Variants in STK39 observed in about 807,000 individuals in gnomAD.
STK39 encodes the protein serine/threonine kinase 39.
In STK39, 20 loss-of-function variants were observed where a neutral mutation model predicts 77.8. The ratio of observed to expected loss-of-function variants is 0.26; its 90% CI spans 0.18 to 0.37. STK39 has a LOEUF of 0.37. STK39 is among the 10% of genes least tolerant of loss of function. The pLI, the probability that STK39 is intolerant of heterozygous loss-of-function variation, is 1.00. For synonymous variants in STK39, 246 were observed against 234.1 expected, an observed-to-expected ratio of 1.05 and a Z score of -0.47; for missense variants, 479 against 656.5, an observed-to-expected ratio of 0.73 and a Z score of 2.95.
chr2:168,143,149 C>G (rs1688039588), intron 5 of STK39, among the ~76,000 whole-genome samples: 1 of 152,130 alleles, frequency 6.6e-6, no homozygotes, highest in African/African-American at 2.4e-5. Flanking sequence ...CTCCCTGCCT[C>G]CAGGAATAAC....
chr2:168,016,387 CAAAAAAAA>C (rs869084308), intron 15 of STK39, among the ~76,000 whole-genome samples: 2,662 of 65,724 alleles, frequency 0.041, 114 homozygotes, highest in African/African-American at 0.13. Flanking sequence ...GGCCTTTGTT[CAAAAAAAA>C]AAAAAAAAAA....
intron 15 of STK39, among the ~76,000 whole-genome samples, chr2:168,013,451 AT>A (rs1684321803): frequency 6.6e-6 from 1 of 152,178 alleles, no homozygotes; most frequent in Non-Finnish European, 1.5e-5. Context: ...AAATTGATAA[AT>A]TGCAAGTTGC....
chr2:168,131,139 T>C (rs1687686931), intron 8 of STK39, among the ~76,000 whole-genome samples: 1 of 152,218 alleles, frequency 6.6e-6, no homozygotes, highest in South Asian at 2.1e-4. Context: ...GCTAAAGTAT[T>C]AAGTCTTTTA....
intron 1 of STK39, among the ~76,000 whole-genome samples, chr2:168,226,713 A>G (rs1690316897): frequency 6.6e-6 from 1 of 151,320 alleles, no homozygotes; most frequent in Non-Finnish European, 1.5e-5. Flanking sequence ...CCTTCTCACT[A>G]TAACTCCCTC....
At chr2:168,078,937 C>A (rs1686154275) in intron 10 of STK39, among the ~76,000 whole-genome samples, 1 of 152,114 alleles carries the variant, frequency 6.6e-6, no homozygotes, top group African/African-American at 2.4e-5. Context: ...TCCAGGGAGC[C>A]CACCAGCCTC....
At chr2:168,183,224 G>A (rs568559737) in intron 1 of STK39, among the ~76,000 whole-genome samples, 85 of 151,790 alleles carry the variant, frequency 5.6e-4, no homozygotes, top group African/African-American at 1.8e-3. Context: ...TTTGGCCCCC[G>A]ACTTGGCAAC....
chr2:168,243,764 TTA>T (rs1690831458), intron 1 of STK39, among the ~76,000 whole-genome samples: 1 of 152,204 alleles, frequency 6.6e-6, no homozygotes, highest in Non-Finnish European at 1.5e-5. Context: ...AAGTAAACAC[TTA>T]TATGATTCAC....
chr2:168,005,758 C>T (rs1377823673), intron 16 of STK39, among the ~76,000 whole-genome samples: 1 of 152,156 alleles, frequency 6.6e-6, no homozygotes, highest in South Asian at 2.1e-4. Context: ...AGCTGTCCTC[C>T]AAACTGTGCA....
chr2:168,153,554 A>C (rs1688345268), intron 5 of STK39, among the ~76,000 whole-genome samples: 1 of 151,970 alleles, frequency 6.6e-6, no homozygotes, highest in Non-Finnish European at 1.5e-5. Context: ...CTCTAGGAGC[A>C]CACCTTGAGA....
chr2:167,979,053 A>C (rs967476750), intron 16 of STK39, among the ~76,000 whole-genome samples: 3 of 152,094 alleles, frequency 2.0e-5, no homozygotes, highest in Non-Finnish European at 1.5e-5. Context: ...ATTGTATGCT[A>C]TACCGGTTTG....
In STK39 at chr2:168,229,581, C is replaced by T. The variant is rs564632651; in HGVS notation, c.208+17647G>A. 1.3e-4 allele frequency among the ~76,000 whole-genome samples: 20 copies of T among 152,114 alleles called. No individual in the cohort carries two copies. The East Asian group carries it at 3.3e-3, about 25-fold the overall frequency. On this transcript the variant is annotated intron_variant, in intron 1 of 17. Transcript: ENST00000355999. ...CAATTCTTTTTGAAAAACTGTGAAA[C>T]GGGGAATAAAATATTGCTGGATTGA...
intron 2 of STK39, among the ~76,000 whole-genome samples, chr2:168,171,128 C>T (rs1688812770): frequency 6.6e-6 from 1 of 152,314 alleles, no homozygotes; most frequent in Non-Finnish European, 1.5e-5. Flanking sequence ...CAGAGCTGTT[C>T]ATGCAGCTCC....
chr2:168,045,732 G>T (rs1685222901), intron 14 of STK39, among the ~76,000 whole-genome samples: 2 of 152,160 alleles, frequency 1.3e-5, no homozygotes, highest in South Asian at 4.1e-4. Context: ...TCTAAAGATT[G>T]ATGCAAATAT....
chr2:168,125,735 A>C (rs1332457060), intron 10 of STK39, among the ~76,000 whole-genome samples: 2 of 152,232 alleles, frequency 1.3e-5, no homozygotes, highest in Non-Finnish European at 2.9e-5. Context: ...AATGTTTTGC[A>C]TACTAAATTA....
In STK39 at chr2:167,969,683, C is replaced by T. The variant is rs979059827; in HGVS notation, c.1499-4957G>A. ...GAAACGAATGACTTCTCACCACCTC[C>T]GCTGCTGCTCCCCAAGTGAGGCTAC... On this transcript the variant is annotated intron_variant, in intron 16 of 17. Transcript: ENST00000355999. Among the ~76,000 whole-genome samples the T allele has an allele frequency of 1.4e-4, 22 of 152,200 alleles. 1 individual carries two copies. Among genetic ancestry groups the T allele is most frequent in the Non-Finnish European group, 4.4e-5 (3 of 68,032 alleles).
chr2:167,976,575 G>A (rs1202323324), intron 16 of STK39, among the ~76,000 whole-genome samples: 1 of 152,108 alleles, frequency 6.6e-6, no homozygotes. Flanking sequence ...ACTACTGTAG[G>A]TTGGCCTTTT....
At chr2:167,991,843 G>T (rs1208619054) in intron 16 of STK39, among the ~76,000 whole-genome samples, 1 of 152,130 alleles carries the variant, frequency 6.6e-6, no homozygotes, top group Non-Finnish European at 1.5e-5. Context: ...ACAATTAGGT[G>T]TACACTGAAT....
At chr2:168,136,922 T>C (rs140718775) in intron 8 of STK39, among the ~76,000 whole-genome samples, 2,905 of 152,288 alleles carry the variant, frequency 0.019, 50 homozygotes, top group Middle Eastern at 0.044. Context: ...ATCATCCCTT[T>C]TACAATAAAT....
At position 168,247,550 on chromosome 2, in the gene STK39, G is replaced by GC; in HGVS notation, c.-116dup. ...CCGGCGCACGCCCTCCCCGCCCGCC[G>GC]CCGCCGCCGCCGTCCCCGCCGAAGC... is the stretch of plus-strand genomic sequence containing the variant. On this transcript the variant is annotated 5_prime_UTR_variant, in exon 1 of 18. Transcript: ENST00000355999. 1 of 697,492 alleles carries GC rather than the reference G, an allele frequency of 1.4e-6. No homozygotes were observed. The highest frequency in any genetic ancestry group is 1.9e-6 in the Non-Finnish European group (1 of 538,274). 43.2% of individuals were successfully genotyped at this position (697,492 alleles called of 1,614,324 possible). A position where few individuals can be genotyped will look rare whatever the true frequency, so the allele number is the denominator to read the frequency against.
Sources: allele counts gnomAD v4.1 joint callset (sites outside exome capture counted in the v4.1 genomes callset), GRCh38; gene constraint gnomAD v4.1.1; transcripts MANE v1.5; gene names NCBI Gene and HGNC (gene_info 2026-07-23, HGNC 2026-07-21).